Variants in ZNF514 observed in about 807,000 individuals in gnomAD.
ZNF514 encodes the protein zinc finger protein 514.
A neutral mutation model predicts 9.7 loss-of-function variants in ZNF514; 12 were observed. The ratio of observed to expected loss-of-function variants is 1.24; its 90% CI spans 0.79 to 2.01. The LOEUF (loss-of-function observed/expected upper bound fraction) is 2.01. Ranked by LOEUF, ZNF514 falls within the 30% of genes most tolerant of loss-of-function variation. ZNF514 has a pLI of 0.00. For synonymous variants in ZNF514, 158 were observed against 163.7 expected (o/e 0.97, Z 0.27); for missense variants, 467 against 465.5 (o/e 1.00, Z -0.03).
At chr2:95,127,889 G>A in the ZNF514 span, among the ~76,000 whole-genome samples, 138 of 152,184 alleles carry the variant, frequency 9.1e-4, no homozygotes, top group East Asian at 2.0e-4. Context: ...GATCACAGGC[G>A]TGAGACACCG....
At position 95,146,982 on chromosome 2, in the gene ZNF514, G is replaced by A. The variant is rs140891159; in HGVS notation, c.*2300C>T. On this transcript the variant is annotated 3_prime_UTR_variant, in exon 5 of 5. Coordinates refer to ENST00000295208, the MANE Select transcript of ZNF514 (RefSeq NM_032788.3). ...CCCTGGCCAACCTTGTGGACTCTTA[G>A]ACCCAGCCTGTCTGCATGGGCCCAC... Among the ~76,000 whole-genome samples the A allele has an allele frequency of 6.6e-6, 1 of 152,142 alleles. No individual in the cohort carries two copies. The highest frequency in any genetic ancestry group is 1.5e-5 in the Non-Finnish European group (1 of 68,032).
intron 1 of ZNF514, chr2:95,158,750 G>A (rs1376881185): frequency 1.8e-6 from 2 of 1,135,536 alleles, no homozygotes; most frequent in Non-Finnish European, 2.2e-6. Context: ...CTCCACCTCC[G>A]CCACGGTCAT....
intron 1 of ZNF514, chr2:95,158,943 T>C (rs1182970911): frequency 4.7e-6 from 6 of 1,289,562 alleles, no homozygotes; most frequent in Non-Finnish European, 6.1e-6. Context: ...CTCCTGGCCC[T>C]CTGCACGCTC....
the ZNF514 span, among the ~76,000 whole-genome samples, chr2:95,130,405 T>C: frequency 6.6e-6 from 1 of 152,054 alleles, no homozygotes; most frequent in Non-Finnish European, 1.5e-5. Context: ...GGAGACAGGG[T>C]TTTGAGATCA....
chr2:95,136,358 C>T, the ZNF514 span, among the ~76,000 whole-genome samples: 68 of 152,080 alleles, frequency 4.5e-4, no homozygotes, highest in African/African-American at 1.5e-3. Flanking sequence ...TGTGATTCTC[C>T]GGCCTCAGGC....
In ZNF514 at chr2:95,150,132, C is replaced by T. The variant is rs2104466218; in HGVS notation, c.353G>A (p.Gly118Asp). Reference protein sequence around the residue: ...LQFSKLKAACGCDGQLEMQQI... With the variant: ...LQFSKLKAACDCDGQLEMQQI... ...CTGCATCTCTAACTGGCCATCACAA[C>T]CGCAGGCTGCTTTCAACTTCGAGAA... Residue 118 changes from glycine (G) to aspartate (D), a missense_variant, in exon 5 of 5, where the codon GGT becomes GAT. Transcript: ENST00000295208. 6.2e-7 allele frequency: 1 copy of T among 1,611,502 alleles called. No individual in the cohort carries two copies. The highest frequency in any genetic ancestry group is 8.5e-7 in the Non-Finnish European group (1 of 1,180,020).
chr2:95,149,157 C>T lies in ZNF514; in HGVS notation c.*125G>A. On this transcript the variant is annotated 3_prime_UTR_variant, in exon 5 of 5. Coordinates refer to ENST00000295208, the MANE Select transcript of ZNF514 (RefSeq NM_032788.3). ...AGGGATTCTCTTTAGTAATTATTGC[C>T]TGATGTGGAACAAGATGTGGTCTTC... The T allele has an allele frequency of 8.2e-7, 1 of 1,212,934 alleles. No individual in the cohort carries two copies. The highest frequency in any genetic ancestry group is 1.1e-6 in the Non-Finnish European group (1 of 881,842). The allele number at this position is 1,212,934 out of a possible 1,614,324, so 75.1% of individuals were successfully genotyped here. A position where few individuals can be genotyped will look rare whatever the true frequency, so the allele number is the denominator to read the frequency against.
chr2:95,134,301 TC>T, the ZNF514 span, among the ~76,000 whole-genome samples: 1 of 152,176 alleles, frequency 6.6e-6, no homozygotes, highest in Non-Finnish European at 1.5e-5. Context: ...CACCCCTATT[TC>T]TGCACCCTGG....
chr2:95,131,458 C>T, the ZNF514 span, among the ~76,000 whole-genome samples: 21 of 152,348 alleles, frequency 1.4e-4, no homozygotes, highest in Admixed American at 1.3e-3. Context: ...CTTGCTGGTT[C>T]ACTCTGTTCC....
chr2:95,126,940 G>A, the ZNF514 span, among the ~76,000 whole-genome samples: 2 of 151,958 alleles, frequency 1.3e-5, no homozygotes, highest in African/African-American at 2.4e-5. Flanking sequence ...GACCTATTGC[G>A]CCCACCGTGA....
At chr2:95,142,273 A>G (rs530972553), downstream of ZNF514, among the ~76,000 whole-genome samples, 1 of 152,252 alleles carries the variant, frequency 6.6e-6, no homozygotes, top group Admixed American at 6.5e-5. Flanking sequence ...ATAATAGACA[A>G]TGGCTTTTTC....
chr2:95,142,350 C>A (rs753459602), downstream of ZNF514, among the ~76,000 whole-genome samples: 1 of 152,048 alleles, frequency 6.6e-6, no homozygotes, highest in Non-Finnish European at 1.5e-5. Context: ...TCCTTCTCTC[C>A]CAGAAAAAGA....
Position 95,150,049 on chromosome 2 carries a change from TGGTGGCA to T in ZNF514, c.429_435del (p.Ala144ProfsTer15). ...TTCCATTTATAATCTCTGCTAAGGG[TGGTGGCA>T]GATTTGTGAATGGTTGACATTTGTT... On this transcript the variant is annotated frameshift_variant, in exon 5 of 5. Coordinates refer to ENST00000295208, the MANE Select transcript of ZNF514 (RefSeq NM_032788.3). LOFTEE classifies it low-confidence loss of function (END_TRUNC). 1 of 1,613,910 alleles carries T rather than the reference TGGTGGCA, an allele frequency of 6.2e-7. No individual in the cohort carries two copies. The highest frequency in any genetic ancestry group is 8.5e-7 in the Non-Finnish European group (1 of 1,179,958).
chr2:95,124,209 C>T, the ZNF514 span, among the ~76,000 whole-genome samples: 1 of 152,178 alleles, frequency 6.6e-6, no homozygotes, highest in African/African-American at 2.4e-5. Context: ...CTTTTATCCT[C>T]TCCTCCACCA....
rs1002945119 is a variant in ZNF514 at position 95,146,675 on chromosome 2, G to C, written c.*2607C>G. Among the ~76,000 whole-genome samples the C allele has an allele frequency of 6.6e-6, 1 of 150,468 alleles. No individual in the cohort carries two copies. Among genetic ancestry groups the C allele is most frequent in the Admixed American group, 6.7e-5 (1 of 14,982 alleles). On this transcript the variant is annotated 3_prime_UTR_variant, in exon 5 of 5. Coordinates refer to ENST00000295208, the MANE Select transcript of ZNF514 (RefSeq NM_032788.3). ...AGGATTTTTGGAGGGCAGGACACTGGGTTCAAACTGGTAAGTATGGTTAAT... is the reference window on the plus strand; with the variant it reads ...AGGATTTTTGGAGGGCAGGACACTGCGTTCAAACTGGTAAGTATGGTTAAT...
the ZNF514 span, among the ~76,000 whole-genome samples, chr2:95,132,144 C>CAA: frequency 0.025 from 408 of 16,544 alleles, 44 homozygotes; most frequent in East Asian, 0.096. Context: ...GACTCTGTCT[C>CAA]AAAAAAAAAA....
rs1276522048 is a variant in ZNF514 at position 95,146,984 on chromosome 2, C to G, written c.*2298G>C. ...CTGGCCAACCTTGTGGACTCTTAGA[C>G]CCAGCCTGTCTGCATGGGCCCACTT... On this transcript the variant is annotated 3_prime_UTR_variant, in exon 5 of 5. Coordinates refer to ENST00000295208, the MANE Select transcript of ZNF514 (RefSeq NM_032788.3). 2.0e-5 allele frequency among the ~76,000 whole-genome samples: 3 copies of G among 152,166 alleles called. No individual in the cohort carries two copies. The highest frequency in any genetic ancestry group is 7.2e-5 in the African/African-American group (3 of 41,444).
intron 1 of ZNF514, among the ~76,000 whole-genome samples, chr2:95,158,543 A>T (rs1248385338): frequency 6.6e-6 from 1 of 152,212 alleles, no homozygotes; most frequent in Non-Finnish European, 1.5e-5. Flanking sequence ...GCTGAGCTAG[A>T]ACGACTGGAA....
chr2:95,149,355 C>T lies in ZNF514; in HGVS notation c.1130G>A (p.Cys377Tyr), dbSNP rs761622470. Residue 377 changes from cysteine to tyrosine, a missense_variant, in exon 5 of 5, where the codon TGT (cysteine) becomes TAT (tyrosine). Transcript: ENST00000295208. ...TGEKPYKCNE[C>Y]GRAFAHTASL... ...TGCAGTATGAGCAAAGGCCCTTCCA[C>T]ACTCATTACATTTGTAGGGTTTCTC... 8 of 1,613,718 alleles carry T rather than the reference C, an allele frequency of 5.0e-6. No homozygotes were observed. The highest frequency in any genetic ancestry group is 1.3e-5 in the African/African-American group (1 of 75,054).
Sources: gnomAD v4.1 joint callset for allele counts (sites outside exome capture counted in the v4.1 genomes callset) on GRCh38, gnomAD v4.1.1 for gene constraint, MANE v1.5 for transcripts, NCBI Gene and HGNC (gene_info 2026-07-23, HGNC 2026-07-21) for gene names.